The following SYNJ1 variants were observed in gnomAD, a reference collection of about 807,000 sequenced individuals.
SYNJ1 encodes the protein synaptojanin 1, also known as polyphosphatidylinositol phosphatase SYNJ1.
A neutral mutation model predicts 168.2 loss-of-function variants in SYNJ1; 78 were observed. The observed-to-expected ratio is 0.46, with a 90% confidence interval of 0.39 to 0.56. SYNJ1 has a LOEUF of 0.56. Ranked by LOEUF, SYNJ1 falls within the 20% of genes least tolerant of loss-of-function variation. The pLI is 0.00. For synonymous variants in SYNJ1, 539 were observed against 548.6 expected, an observed-to-expected ratio of 0.98 and a Z score of 0.24; for missense variants, 1,303 against 1,597.6, an observed-to-expected ratio of 0.82 and a Z score of 3.14.
intron 2 of SYNJ1, among the ~76,000 whole-genome samples, chr21:32,720,868 A>G (rs1015614557): frequency 6.6e-6 from 1 of 152,234 alleles, no homozygotes; most frequent in African/African-American, 2.4e-5. Context: ...TATTTAGGAT[A>G]TAATTATGAA....
rs539115688 is a variant in SYNJ1 at position 32,707,141 on chromosome 21, C to T, written c.125-5094G>A. Among the ~76,000 whole-genome samples the T allele has an allele frequency of 4.6e-5, 7 of 152,186 alleles. No individual in the cohort carries two copies. The South Asian group carries it at 1.5e-3, about 32-fold the overall frequency. On this transcript the variant is annotated intron_variant, in intron 2 of 32. Transcript: ENST00000674351. ...CTTTGTGTTTCCAAATATTACCTAT[C>T]CTTCAGTTCCAAATTAAAACACCAC...
In SYNJ1 at chr21:32,639,104, G is replaced by A. The variant is rs751970113; in HGVS notation, c.3719C>T (p.Pro1240Leu). ...AGGAAAAGCAGCCTGAGGCTTCAGTGGTTCAGGAAGGAAAGTTGAACCTAA... is the reference window on the plus strand; with the variant it reads ...AGGAAAAGCAGCCTGAGGCTTCAGTAGTTCAGGAAGGAAAGTTGAACCTAA... ...TSKGSTFLPE[P>L]LKPQAAFPPQ... Residue 1240 changes from proline (P) to leucine (L), a missense_variant, in exon 31 of 33, where the codon CCA becomes CTA. Physicochemically the swap from Pro to Leu is moderately conservative, Grantham distance 98 (BLOSUM62 -3). This residue lies in a region of SYNJ1 where 383 missense variants were observed against 388.8 expected (regional missense o/e 0.99). Transcript: ENST00000674351. 3 of 1,612,192 alleles carry A rather than the reference G, an allele frequency of 1.9e-6. No homozygotes were observed. In the African/African-American group the frequency reaches 4.0e-5, roughly 22 times the overall value.
At chr21:32,687,366 A>G (rs990751464) in intron 7 of SYNJ1, among the ~76,000 whole-genome samples, 1 of 152,334 alleles carries the variant, frequency 6.6e-6, no homozygotes, top group African/African-American at 2.4e-5. Flanking sequence ...GACACCAGCC[A>G]TAAGCTTGAC....
rs1425163352 is a variant in SYNJ1 at position 32,631,747 on chromosome 21, G to A, written c.*58C>T. The stretch of plus-strand genomic sequence containing the variant: ...AGATTAAATGACAGATCTTCAAATG[G>A]GTCAATCTTTAATGGTGATTCTCTT... On this transcript the variant is annotated 3_prime_UTR_variant, in exon 33 of 33. Transcript: ENST00000674351. 6.2e-7 allele frequency: 1 copy of A among 1,613,956 alleles called. No homozygotes were observed. Among genetic ancestry groups the A allele is most frequent in the Admixed American group, 1.7e-5 (1 of 59,988 alleles).
At position 32,631,496 on chromosome 21, in the gene SYNJ1, A is replaced by C. The variant is rs750670440; in HGVS notation, c.*309T>G. 30 of 1,614,016 alleles carry C rather than the reference A, an allele frequency of 1.9e-5. No individual in the cohort carries two copies. The South Asian group carries it at 1.9e-4, about 10-fold the overall frequency. Reference sequence around the variant, plus strand: ...GGTTTCCAGGAGCAGCAGTCCTGTCACTGAAAGGATTTGTCCTGGTCAAGC... The same window carrying C: ...GGTTTCCAGGAGCAGCAGTCCTGTCCCTGAAAGGATTTGTCCTGGTCAAGC... On this transcript the variant is annotated 3_prime_UTR_variant, in exon 33 of 33. Coordinates refer to ENST00000674351, the MANE Select transcript of SYNJ1 (RefSeq NM_203446.3).
At chr21:32,643,283 G>A in intron 27 of SYNJ1, 127 bp downstream of exon 27, 1 of 920,526 alleles carries the variant, frequency 1.1e-6, no homozygotes, top group Non-Finnish European at 1.7e-6. Context: ...GGAGGGGAAA[G>A]AGAAGTTTAC....
At chr21:32,697,127 T>A (rs933435895) in intron 4 of SYNJ1, among the ~76,000 whole-genome samples, 1 of 152,232 alleles carries the variant, frequency 6.6e-6, no homozygotes, top group African/African-American at 2.4e-5. Flanking sequence ...TTTTCTTTGC[T>A]GTCAGTGTGT....
chr21:32,700,440 A>T (rs536733338), intron 3 of SYNJ1, among the ~76,000 whole-genome samples: 2 of 152,308 alleles, frequency 1.3e-5, no homozygotes, highest in African/African-American at 4.8e-5. Context: ...GGATCACCTG[A>T]GGCCGGGAAT....
At chr21:32,675,467 T>C (rs1347848566) in intron 13 of SYNJ1, among the ~76,000 whole-genome samples, 3 of 152,160 alleles carry the variant, frequency 2.0e-5, no homozygotes, top group Non-Finnish European at 4.4e-5. Context: ...CTAAATACCA[T>C]ACTATTTCAG....
chr21:32,666,573 G>A lies in SYNJ1; in HGVS notation c.1812C>T (p.Ser604=). The A allele has an allele frequency of 6.2e-7, 1 of 1,601,096 alleles. No homozygotes were observed. The highest frequency in any genetic ancestry group is 8.5e-7 in the Non-Finnish European group (1 of 1,176,418). Reference sequence around the variant, plus strand: ...CAGCCCAGAGCTTCTGATTTGTTGTGCTACAAGAAAATATTAAAAAGAGAA... The same window carrying A: ...CAGCCCAGAGCTTCTGATTTGTTGTACTACAAGAAAATATTAAAAAGAGAA... ...ELNAGNIVSA[S]TTNQKLWAVE... is the part of the protein sequence containing the mutation. The change falls in exon 16 of 33, where the codon AGC becomes AGT. Residue 604 remains serine (S), a splice_region_variant and synonymous_variant. Coordinates refer to ENST00000674351, the MANE Select transcript of SYNJ1 (RefSeq NM_203446.3).
Position 32,670,492 on chromosome 21 carries a change from A to G in SYNJ1, c.1727-120T>C, listed in dbSNP as rs2041144678. The G allele has an allele frequency of 9.4e-6, 7 of 747,876 alleles. No individual in the cohort carries two copies. In the South Asian group the frequency reaches 1.5e-4, roughly 16 times the overall value. The allele number at this position is 747,876 out of a possible 1,614,324, so 46.3% of individuals were successfully genotyped here. On this transcript the variant is annotated intron_variant, in intron 14 of 32. Coordinates refer to ENST00000674351, the MANE Select transcript of SYNJ1 (RefSeq NM_203446.3). ...GATTTCTGTGTTTTGAGTTTAACCA[A>G]ATTCATATTAAAGGCAAACACTCTT... is the stretch of plus-strand genomic sequence containing the variant.
At chr21:32,657,575 C>G (rs1028643366) in intron 19 of SYNJ1, 141 bp downstream of exon 19, 1 of 709,982 alleles carries the variant, frequency 1.4e-6, no homozygotes, top group Admixed American at 3.8e-5. Flanking sequence ...TTCTAAAAAT[C>G]TGACATATTT....
chr21:32,695,454 C>T (rs940953048), intron 4 of SYNJ1, among the ~76,000 whole-genome samples, 172 bp from the exon 5 acceptor site: 2 of 152,042 alleles, frequency 1.3e-5, no homozygotes, highest in Non-Finnish European at 1.5e-5. Flanking sequence ...GGCTATAAAA[C>T]GAGATCCTTC....
At chr21:32,634,745 T>C (rs2039486285) in intron 32 of SYNJ1, 116 bp downstream of exon 32, 2 of 1,040,284 alleles carry the variant, frequency 1.9e-6, no homozygotes, top group Non-Finnish European at 2.8e-6. Context: ...AATTTATTAA[T>C]GGAGACAGGT....
At chr21:32,720,456 C>T (rs2043180076) in intron 2 of SYNJ1, among the ~76,000 whole-genome samples, 1 of 152,008 alleles carries the variant, frequency 6.6e-6, no homozygotes, top group South Asian at 2.1e-4. Flanking sequence ...GAATATCATC[C>T]TATAGTATTA....
At chr21:32,663,721 T>C (rs1361039702) in intron 18 of SYNJ1, among the ~76,000 whole-genome samples, 1 of 152,222 alleles carries the variant, frequency 6.6e-6, no homozygotes, top group Non-Finnish European at 1.5e-5. Flanking sequence ...CTCGTGGGGA[T>C]ACTGGACCCC....
chr21:32,700,857 T>C (rs1440454628), intron 3 of SYNJ1, among the ~76,000 whole-genome samples: 1 of 152,216 alleles, frequency 6.6e-6, no homozygotes, highest in Admixed American at 6.5e-5. Context: ...TGATGACAAA[T>C]GGACAAAAGT....
Position 32,666,153 on chromosome 21 carries a change from C to T in SYNJ1, c.1953-18G>A. On this transcript the variant is annotated intron_variant, in intron 16 of 32. Coordinates refer to ENST00000674351, the MANE Select transcript of SYNJ1 (RefSeq NM_203446.3). ...CAACATCCCTTTGAAACAAAGAATT[C>T]TAAATCGCAGATTTGAAATTTCAAG... The T allele has an allele frequency of 1.3e-6, 2 of 1,575,774 alleles. No individual in the cohort carries two copies. The highest frequency in any genetic ancestry group is 1.7e-6 in the Non-Finnish European group (2 of 1,162,020).
chr21:32,728,265 T>G, upstream of SYNJ1: 1 of 528,142 alleles, frequency 1.9e-6, no homozygotes, highest in Non-Finnish European at 3.3e-6. Flanking sequence ...CTTGGTCCTT[T>G]TGCGTGGGCT....
Sources: allele counts gnomAD v4.1 joint callset (sites outside exome capture counted in the v4.1 genomes callset), GRCh38; gene constraint gnomAD v4.1.1; regional missense constraint gnomAD v4.1.1; transcripts MANE v1.5; gene names NCBI Gene and HGNC (gene_info 2026-07-23, HGNC 2026-07-21).